Variants in RBM48 observed in about 807,000 individuals in gnomAD.
RBM48 encodes RNA binding motif protein 48.
In RBM48, 32 loss-of-function variants were observed where a neutral mutation model predicts 34.8. The observed-to-expected ratio is 0.92, with a 90% CI of 0.69 to 1.23. RBM48 has a LOEUF of 1.23. Ranked by LOEUF, RBM48 falls within the 50% of genes most tolerant of loss-of-function variation. RBM48 has a pLI of 0.00. For synonymous variants in RBM48, 151 were observed against 156.2 expected, an observed-to-expected ratio of 0.97 and a Z score of 0.25; for missense variants, 441 against 447.2, an observed-to-expected ratio of 0.99 and a Z score of 0.12.
chr7:92,529,061 C>T (rs908248223), intron 1 of RBM48, 137 bp downstream of exon 1: 1 of 706,190 alleles, frequency 1.4e-6, no homozygotes, highest in South Asian at 1.6e-5. Context: ...CGTGAAGAAC[C>T]CTCGGTCAGT....
chr7:92,536,339 C>G (rs1312646610), intron 4 of RBM48: 1 of 976,628 alleles, frequency 1.0e-6, no homozygotes, highest in Non-Finnish European at 1.2e-6. Context: ...AATAATTTTC[C>G]ATTTCAAATG....
chr7:92,529,563 G>A lies in RBM48; in HGVS notation c.199G>A (p.Ala67Thr). 1 of 1,610,290 alleles carries A rather than the reference G, an allele frequency of 6.2e-7. No homozygotes were observed. The highest frequency in any genetic ancestry group is 8.5e-7 in the Non-Finnish European group (1 of 1,176,646). Residue 67 changes from alanine to threonine, a missense_variant, in exon 2 of 5, where the codon GCT becomes ACT. By Grantham distance (58) the Ala-to-Thr change is moderately conservative (BLOSUM62 0). Coordinates refer to ENST00000265732, the MANE Select transcript of RBM48 (RefSeq NM_032120.4). Reference protein sequence around the residue: ...GVMKELVERFALYGAIEQYNA... With the variant: ...GVMKELVERFTLYGAIEQYNA... ...CATGAAGGAATTAGTTGAGCGATTC[G>A]CTTTATATGGTGCAATTGAACAGTA...
intron 3 of RBM48, among the ~76,000 whole-genome samples, chr7:92,533,758 A>T (rs1368832718): frequency 2.6e-5 from 4 of 152,206 alleles, no homozygotes; most frequent in Admixed American, 2.0e-4. Context: ...TATTAATATT[A>T]ACATTAACAA....
intron 4 of RBM48, chr7:92,535,508 C>G (rs1331712022): frequency 1.0e-6 from 1 of 980,016 alleles, no homozygotes; most frequent in Non-Finnish European, 1.2e-6. Flanking sequence ...CCTAGGTAGT[C>G]TGTTTTTTTT....
chr7:92,532,808 G>A (rs1793609261), intron 3 of RBM48, among the ~76,000 whole-genome samples: 1 of 152,124 alleles, frequency 6.6e-6, no homozygotes, highest in Admixed American at 6.5e-5. Context: ...AAATGGGAGA[G>A]GAAAAGATGG....
rs377641940 is a variant in RBM48 at position 92,536,832 on chromosome 7, C to CT, written c.1018-7dup. ...CTATAGAAACTAAGTTTTAATGGTT[C>CT]TTTTTTTTTTTTAATTAGGTAATTT... On this transcript the variant is annotated intron_variant, in intron 4 of 4. Coordinates refer to ENST00000265732, the MANE Select transcript of RBM48 (RefSeq NM_032120.4). The CT allele has an allele frequency of 0.037, 37,324 of 1,018,876 alleles. 12 individuals carry two copies. Among genetic ancestry groups the CT allele is most frequent in the South Asian group, 0.047 (2,646 of 56,388 alleles). 63.1% of individuals were successfully genotyped at this position (1,018,876 alleles called of 1,614,324 possible).
At chr7:92,534,146 A>T (rs1298886292) in intron 3 of RBM48, 3 of 454,148 alleles carry the variant, frequency 6.6e-6, no homozygotes, top group Non-Finnish European at 1.2e-5. Context: ...TAAATAAAAA[A>T]CAATAGTGAT....
In RBM48 at chr7:92,529,515, C is replaced by T. The variant is rs753007904; in HGVS notation, c.151C>T (p.Gln51Ter). 6.2e-7 allele frequency: 1 copy of T among 1,609,254 alleles called. No homozygotes were observed. The highest frequency in any genetic ancestry group is 8.5e-7 in the Non-Finnish European group (1 of 1,176,804). ...TTTGGAATCTCAGTACTTATTAATA[C>T]AAGGAGTTCCTGCTGTGGGAGTCAT... is the stretch of plus-strand genomic sequence containing the variant. ...INLESQYLLIQGVPAVGVMKE... is the reference protein window; with the variant it reads ...INLESQYLLI The change falls in exon 2 of 5, where the codon CAA becomes TAA. Residue 51 changes from glutamine (Q) to a stop codon, truncating the protein, a stop_gained. Transcript: ENST00000265732. LOFTEE classifies it high-confidence loss of function.
chr7:92,529,739 T>A, intron 2 of RBM48, 73 bp downstream of exon 2: 1 of 955,656 alleles, frequency 1.0e-6, no homozygotes, highest in African/African-American at 1.7e-5. Flanking sequence ...TGGCCCCAAG[T>A]TTCCCTCATT....
chr7:92,536,930 G>A lies in RBM48; in HGVS notation c.1097G>A (p.Arg366Lys), dbSNP rs775562678. 5 of 1,595,520 alleles carry A rather than the reference G, an allele frequency of 3.1e-6. No individual in the cohort carries two copies. The highest frequency in any genetic ancestry group is 3.4e-6 in the Non-Finnish European group (4 of 1,172,148). ...AGTCATCCATTAAAACAAAGAAGAA[G>A]AATATAGAGTGCCAGCAGCAACTTA... ...HTSHPLKQRR[R>K]I Residue 366 changes from arginine (R) to lysine (K), a missense_variant, in exon 5 of 5, where the codon AGA becomes AAA. Transcript: ENST00000265732.
rs1014732848 is a variant in RBM48, at chr7:92,540,277, T to A, written c.*3340T>A. 2.0e-5 allele frequency: 3 copies of A among 152,278 alleles called. No homozygotes were observed. Among genetic ancestry groups the A allele is most frequent in the African/African-American group, 7.2e-5 (3 of 41,474 alleles). 9.4% of individuals were successfully genotyped at this position (152,278 alleles called of 1,614,324 possible). A position where few individuals can be genotyped will look rare whatever the true frequency, so the allele number is the denominator to read the frequency against. On this transcript the variant is annotated 3_prime_UTR_variant, in exon 5 of 5. Coordinates refer to ENST00000265732, the MANE Select transcript of RBM48 (RefSeq NM_032120.4). ...GCACTAGTAACTATACATTTGCTTC[T>A]GGTAAACATGGTCCAAACACCTCCA...
At position 92,537,605 on chromosome 7, in the gene RBM48, A is replaced by G. The variant is rs1000014747; in HGVS notation, c.*668A>G. The G allele has an allele frequency of 6.6e-6, 1 of 152,232 alleles. No individual in the cohort carries two copies. The highest frequency in any genetic ancestry group is 1.5e-5 in the Non-Finnish European group (1 of 68,034). The allele number at this position is 152,232 out of a possible 1,614,324, so 9.4% of individuals were successfully genotyped here. A position where few individuals can be genotyped will look rare whatever the true frequency, so the allele number is the denominator to read the frequency against. ...ATGCCAGGGTTTCAAAATCAAGACAATTCTATGAAGTAAAAAGTAGATTAG... is the reference window on the plus strand; with the variant it reads ...ATGCCAGGGTTTCAAAATCAAGACAGTTCTATGAAGTAAAAAGTAGATTAG... On this transcript the variant is annotated 3_prime_UTR_variant, in exon 5 of 5. Coordinates refer to ENST00000265732, the MANE Select transcript of RBM48 (RefSeq NM_032120.4).
intron 3 of RBM48, among the ~76,000 whole-genome samples, chr7:92,533,632 C>T (rs541259801): frequency 3.3e-5 from 5 of 152,308 alleles, no homozygotes; most frequent in East Asian, 1.9e-4. Context: ...CTTTCATCTG[C>T]AGCATTCTAG....
In RBM48 at chr7:92,538,444, G is replaced by A. The variant is rs570213882; in HGVS notation, c.*1507G>A. ...ACTCCCTCCTCCTCTTCAGAGATGG[G>A]AGACAGGAAGAGAAATGGCCTCTCT... On this transcript the variant is annotated 3_prime_UTR_variant, in exon 5 of 5. Coordinates refer to ENST00000265732, the MANE Select transcript of RBM48 (RefSeq NM_032120.4). Among the ~76,000 whole-genome samples the A allele has an allele frequency of 6.6e-6, 1 of 152,258 alleles. No individual in the cohort carries two copies. The highest frequency in any genetic ancestry group is 2.4e-5 in the African/African-American group (1 of 41,558).
chr7:92,536,884 A>G lies in RBM48; in HGVS notation c.1051A>G (p.Lys351Glu). ...ISSVPKPPED[K>E]PEDVHTSHPL... ...ATCTGTGCCAAAGCCTCCAGAGGACAAGCCAGAAGATGTACATACAAGTCA... is the reference window on the plus strand; with the variant it reads ...ATCTGTGCCAAAGCCTCCAGAGGACGAGCCAGAAGATGTACATACAAGTCA... Residue 351 changes from lysine (K) to glutamate (E), a missense_variant, in exon 5 of 5, where the codon AAG (lysine) becomes GAG (glutamate). Coordinates refer to ENST00000265732, the MANE Select transcript of RBM48 (RefSeq NM_032120.4). 4 of 1,609,422 alleles carry G rather than the reference A, an allele frequency of 2.5e-6. No homozygotes were observed. Among genetic ancestry groups the G allele is most frequent in the Non-Finnish European group, 3.4e-6 (4 of 1,178,308 alleles).
At position 92,540,453 on chromosome 7, in the gene RBM48, T is replaced by C. The variant is rs1202064587; in HGVS notation, c.*3516T>C. Reference sequence around the variant, plus strand: ...TCTAGACTAAAAAAATTTTACCAAATAAAAGTTCACACTTCTGTAGACACC... The same window carrying C: ...TCTAGACTAAAAAAATTTTACCAAACAAAAGTTCACACTTCTGTAGACACC... On this transcript the variant is annotated 3_prime_UTR_variant, in exon 5 of 5. Coordinates refer to ENST00000265732, the MANE Select transcript of RBM48 (RefSeq NM_032120.4). The C allele has an allele frequency of 6.6e-6, 1 of 152,210 alleles. No individual in the cohort carries two copies. The highest frequency in any genetic ancestry group is 6.5e-5 in the Admixed American group (1 of 15,286). The allele number at this position is 152,210 out of a possible 1,614,324, so 9.4% of individuals were successfully genotyped here.
At chr7:92,528,993 C>T in intron 1 of RBM48, 69 bp downstream of exon 1, 1 of 1,152,728 alleles carries the variant, frequency 8.7e-7, no homozygotes, top group Non-Finnish European at 1.3e-6. Context: ...ATATGACCAG[C>T]CTACGGAAAT....
Position 92,538,521 on chromosome 7 carries a change from A to G in RBM48, c.*1584A>G, listed in dbSNP as rs1364844790. On this transcript the variant is annotated 3_prime_UTR_variant, in exon 5 of 5. Coordinates refer to ENST00000265732, the MANE Select transcript of RBM48 (RefSeq NM_032120.4). The stretch of plus-strand genomic sequence containing the variant: ...ATGGCTCCAAGTGGTAGATGGTACT[A>G]ACAGCAAGCTGCAGATAAGGAGGGT... Among the ~76,000 whole-genome samples, 1 of 152,184 alleles carries G rather than the reference A, an allele frequency of 6.6e-6. No homozygotes were observed. The highest frequency in any genetic ancestry group is 1.5e-5 in the Non-Finnish European group (1 of 68,030).
chr7:92,535,334 A>G (rs1793683812), intron 4 of RBM48: 2 of 1,144,076 alleles, frequency 1.7e-6, no homozygotes, highest in Non-Finnish European at 2.2e-6. Flanking sequence ...ATTGTAAATT[A>G]TTTCTCTCAA....
Sources: allele counts gnomAD v4.1 joint callset (sites outside exome capture counted in the v4.1 genomes callset), GRCh38; gene constraint gnomAD v4.1.1; transcripts MANE v1.5; gene names NCBI Gene and HGNC (gene_info 2026-07-23, HGNC 2026-07-21).